The following DNAJB11 variants were observed in gnomAD, a reference collection of about 807,000 sequenced individuals.
The protein encoded by DNAJB11 is dnaJ homolog subfamily B member 11.
DNAJB11 carries 30 observed loss-of-function variants against 47.2 expected under a neutral mutation model. The observed-to-expected ratio is 0.64, with a 90% CI of 0.48 to 0.86. The LOEUF (loss-of-function observed/expected upper bound fraction) is 0.86, where lower values mean the gene tolerates loss of function less well. DNAJB11 is among the 40% of genes least tolerant of loss of function. The pLI is 0.00. For missense variants in DNAJB11, 357 were observed against 440.2 expected (o/e 0.81, Z 1.69); for synonymous variants, 151 against 159.9 (o/e 0.94, Z 0.42).
At chr3:186,577,291 T>C (rs959209291) in intron 3 of DNAJB11, among the ~76,000 whole-genome samples, 1 of 152,226 alleles carries the variant, frequency 6.6e-6, no homozygotes, top group Non-Finnish European at 1.5e-5. Flanking sequence ...AGTTTATGTA[T>C]ACTATACTCT....
intron 2 of DNAJB11, among the ~76,000 whole-genome samples, chr3:186,573,697 T>C (rs757237690): frequency 6.6e-6 from 1 of 152,180 alleles, no homozygotes; most frequent in Non-Finnish European, 1.5e-5. Flanking sequence ...GGGACAGAAA[T>C]TCTTAACCTG....
chr3:186,576,837 C>G (rs996597891), intron 3 of DNAJB11, among the ~76,000 whole-genome samples: 2 of 152,272 alleles, frequency 1.3e-5, no homozygotes, highest in South Asian at 2.1e-4. Flanking sequence ...GCTTCCCCAG[C>G]CCCCACCCTG....
rs768394797 is a variant in DNAJB11 at position 186,584,621 on chromosome 3, GTTTGTGTGTGTGTA to G, written c.1012+34_1012+47del. 27 of 1,507,390 alleles carry G rather than the reference GTTTGTGTGTGTGTA, an allele frequency of 1.8e-5. 1 individual carries two copies. The South Asian group carries it at 2.5e-4, about 14-fold the overall frequency. 93.4% of individuals were successfully genotyped at this position (1,507,390 alleles called of 1,614,324 possible). A position where few individuals can be genotyped will look rare whatever the true frequency, so the allele number is the denominator to read the frequency against. ...CATATTAGTGTGTGTGTGTGTGTGT[GTTTGTGTGTGTGTA>G]TGTGTGTGTGTGTGAGATGAGAAAA... On this transcript the variant is annotated intron_variant, in intron 9 of 9. Transcript: ENST00000265028.
At chr3:186,577,646 A>G (rs755162362) in intron 3 of DNAJB11, 22 bp from the exon 4 acceptor site, 12 of 1,478,792 alleles carry the variant, frequency 8.1e-6, no homozygotes, top group Non-Finnish European at 9.9e-6. Flanking sequence ...TTTTTTCCTG[A>G]TGATTTTGCA....
In DNAJB11 at chr3:186,575,863, G is replaced by A; in HGVS notation, c.249G>A (p.Arg83=). 1.2e-6 allele frequency: 2 copies of A among 1,613,702 alleles called. No homozygotes were observed. Among genetic ancestry groups the A allele is most frequent in the Non-Finnish European group, 1.7e-6 (2 of 1,179,770 alleles). ...AYEVLSDSEK[R]KQYDTYGEEG... is the part of the protein sequence containing the mutation. ...AGGTTCTGTCAGATAGTGAGAAACG[G>A]AAACAGTACGATACTTATGGTGAAG... Residue 83 remains arginine (R), a synonymous_variant, in exon 3 of 10, where the codon CGG becomes CGA. Coordinates refer to ENST00000265028, the MANE Select transcript of DNAJB11 (RefSeq NM_016306.6).
intron 6 of DNAJB11, 93 bp downstream of exon 6, chr3:186,582,170 A>G: frequency 2.2e-6 from 2 of 928,956 alleles, no homozygotes; most frequent in Non-Finnish European, 3.4e-6. Flanking sequence ...CTCCATCTTA[A>G]TGTTCACATA....
intron 9 of DNAJB11, among the ~76,000 whole-genome samples, chr3:186,585,001 A>G (rs931263683): frequency 1.3e-5 from 2 of 152,110 alleles, no homozygotes; most frequent in Non-Finnish European, 2.9e-5. Flanking sequence ...AAGGAGAGCA[A>G]TGAAGGAGGT....
intron 1 of DNAJB11, 133 bp downstream of exon 1, chr3:186,571,098 G>A: frequency 3.8e-6 from 3 of 799,216 alleles, no homozygotes; most frequent in South Asian, 1.8e-5. Context: ...GCGGGGTGGC[G>A]GAGGAAGGGG....
intron 2 of DNAJB11, 87 bp downstream of exon 2, chr3:186,572,338 C>CATAT: frequency 1.0e-6 from 1 of 991,864 alleles, no homozygotes; most frequent in Non-Finnish European, 1.3e-6. Context: ...TTTCAGCTCA[C>CATAT]ATTTATTTAT....
chr3:186,584,187 C>G lies in DNAJB11; in HGVS notation c.852+211C>G, dbSNP rs73183900. The stretch of plus-strand genomic sequence containing the variant: ...AATGGATTGCACGGCCTTTGACAAT[C>G]TTGTCCTTATAGTTTCTATTGACGA... On this transcript the variant is annotated intron_variant, in intron 8 of 9. Transcript: ENST00000265028. Among the ~76,000 whole-genome samples, 780 of 152,358 alleles carry G rather than the reference C, an allele frequency of 5.1e-3. 5 individuals carry two copies. Among genetic ancestry groups the G allele is most frequent in the Non-Finnish European group, 9.0e-3 (614 of 68,044 alleles).
chr3:186,577,912 A>G (rs1300883514), intron 4 of DNAJB11, 112 bp downstream of exon 4: 1 of 856,178 alleles, frequency 1.2e-6, no homozygotes, highest in East Asian at 2.8e-5. Flanking sequence ...AGAGAGAGTG[A>G]TCAAATGCAC....
chr3:186,583,994 C>T lies in DNAJB11; in HGVS notation c.852+18C>T, dbSNP rs371489134. Reference sequence around the variant, plus strand: ...GTCACAAGGTAAACAAACCAATTTACTCGTTCTGCATCCTTTTGAAGCCTT... The same window carrying T: ...GTCACAAGGTAAACAAACCAATTTATTCGTTCTGCATCCTTTTGAAGCCTT... On this transcript the variant is annotated intron_variant, in intron 8 of 9. Coordinates refer to ENST00000265028, the MANE Select transcript of DNAJB11 (RefSeq NM_016306.6). 4 of 1,557,510 alleles carry T rather than the reference C, an allele frequency of 2.6e-6. No individual in the cohort carries two copies. Among genetic ancestry groups the T allele is most frequent in the East Asian group, 2.2e-5 (1 of 44,662 alleles).
chr3:186,571,965 C>G, intron 1 of DNAJB11, 130 bp from the exon 2 acceptor site: 1 of 672,320 alleles, frequency 1.5e-6, no homozygotes, highest in Non-Finnish European at 2.3e-6. Flanking sequence ...GTGTATGTGT[C>G]ACATAAACCT....
chr3:186,581,520 G>T lies in DNAJB11; in HGVS notation c.599+7G>T. 6.2e-7 allele frequency: 1 copy of T among 1,610,626 alleles called. No homozygotes were observed. Among genetic ancestry groups the T allele is most frequent in the Non-Finnish European group, 8.5e-7 (1 of 1,178,678 alleles). ...ACGAATGCCCTAATGTCAAGTAAGT[G>T]AAAGCACCTTCTTTGTTCTACCAAG... On this transcript the variant is annotated splice_region_variant and intron_variant, in intron 5 of 9. Coordinates refer to ENST00000265028, the MANE Select transcript of DNAJB11 (RefSeq NM_016306.6).
intron 9 of DNAJB11, 89 bp downstream of exon 9, chr3:186,584,678 C>T: frequency 1.5e-6 from 2 of 1,297,984 alleles, no homozygotes; most frequent in Non-Finnish European, 2.0e-6. Context: ...AATAGAAGAA[C>T]TCTCCAGTGA....
chr3:186,573,864 G>C (rs1715174351), intron 2 of DNAJB11, among the ~76,000 whole-genome samples: 1 of 152,120 alleles, frequency 6.6e-6, no homozygotes, highest in African/African-American at 2.4e-5. Flanking sequence ...ACATTTTCTA[G>C]GGAAGCTGAA....
Position 186,585,498 on chromosome 3 carries a change from T to C in DNAJB11, c.*90T>C. The C allele has an allele frequency of 1.0e-6, 1 of 969,452 alleles. No individual in the cohort carries two copies. Among genetic ancestry groups the C allele is most frequent in the South Asian group, 1.5e-5 (1 of 65,076 alleles). The allele number at this position is 969,452 out of a possible 1,614,324, so 60.1% of individuals were successfully genotyped here. A position where few individuals can be genotyped will look rare whatever the true frequency, so the allele number is the denominator to read the frequency against. ...TTTTTGTGTGTGTTTTTGTTTTTAT[T>C]TTCAATATGCAAGTTAGGCTTAATT... On this transcript the variant is annotated 3_prime_UTR_variant, in exon 10 of 10. Coordinates refer to ENST00000265028, the MANE Select transcript of DNAJB11 (RefSeq NM_016306.6).
intron 1 of DNAJB11, among the ~76,000 whole-genome samples, 162 bp downstream of exon 1, chr3:186,571,127 T>C (rs1368776873): frequency 1.3e-5 from 2 of 151,606 alleles, no homozygotes; most frequent in African/African-American, 2.4e-5. Flanking sequence ...GCCAGGCTAG[T>C]GGGGTGAGAG....
At chr3:186,575,319 A>G (rs1715233867) in intron 2 of DNAJB11, among the ~76,000 whole-genome samples, 1 of 151,776 alleles carries the variant, frequency 6.6e-6, no homozygotes, top group Non-Finnish European at 1.5e-5. Flanking sequence ...AGGGCCTGTC[A>G]TTTGATTTCC....
Sources: gnomAD v4.1 joint callset for allele counts (sites outside exome capture counted in the v4.1 genomes callset) on GRCh38, gnomAD v4.1.1 for gene constraint, MANE v1.5 for transcripts, NCBI Gene and HGNC (gene_info 2026-07-23, HGNC 2026-07-21) for gene names.